Variants in AKAP10 observed in about 807,000 individuals in gnomAD.
AKAP10 encodes the protein A-kinase anchor protein 10, mitochondrial.
A neutral mutation model predicts 80.8 loss-of-function variants in AKAP10; 24 were observed. The observed-to-expected ratio is 0.30, with a 90% confidence interval of 0.22 to 0.42. The LOEUF (loss-of-function observed/expected upper bound fraction) is 0.42. AKAP10 is among the 10% of genes least tolerant of loss of function. The pLI, the probability that AKAP10 is intolerant of heterozygous loss-of-function variation, is 1.00. For synonymous variants in AKAP10, 291 were observed against 277.7 expected, an observed-to-expected ratio of 1.05 and a Z score of -0.48; for missense variants, 661 against 794.9, an observed-to-expected ratio of 0.83 and a Z score of 2.03.
intron 9 of AKAP10, 109 bp from the exon 10 acceptor site, chr17:19,932,087 C>G: frequency 1.0e-6 from 1 of 1,001,106 alleles, no homozygotes; most frequent in African/African-American, 1.6e-5. Context: ...TGTTAACTAC[C>G]TATAACAAAT....
chr17:19,932,792 TTG>T (rs969278705), intron 9 of AKAP10, among the ~76,000 whole-genome samples: 21 of 152,006 alleles, frequency 1.4e-4, no homozygotes, highest in African/African-American at 5.1e-4. Flanking sequence ...TGTTTCCACA[TTG>T]TTTTTTTTTC....
chr17:19,968,882 A>C (rs1052107681), intron 1 of AKAP10, among the ~76,000 whole-genome samples: 1 of 152,262 alleles, frequency 6.6e-6, no homozygotes, highest in Non-Finnish European at 1.5e-5. Context: ...TAACTAGCAC[A>C]GTAAATTGAG....
intron 1 of AKAP10, among the ~76,000 whole-genome samples, chr17:19,969,637 G>C (rs1282889870): frequency 1.3e-5 from 2 of 151,614 alleles, no homozygotes; most frequent in Admixed American, 6.6e-5. Flanking sequence ...CTTAAACATT[G>C]AAAGGTGAAA....
At chr17:19,973,409 T>G in intron 1 of AKAP10, among the ~76,000 whole-genome samples, 1 of 152,222 alleles carries the variant, frequency 6.6e-6, no homozygotes, top group Non-Finnish European at 1.5e-5. Context: ...GATTTGGCCC[T>G]TAACAGAAAA....
rs548208845 is a variant in AKAP10 at position 19,958,478 on chromosome 17, T to C, written c.413A>G (p.Tyr138Cys). The change falls in exon 4 of 15, where the codon TAC becomes TGC. Residue 138 changes from tyrosine (Y) to cysteine (C), a missense_variant. Physicochemically the swap from Tyr to Cys is radical, Grantham distance 194 (BLOSUM62 -2). Coordinates refer to ENST00000225737, the MANE Select transcript of AKAP10 (RefSeq NM_007202.4). The stretch of plus-strand genomic sequence containing the variant: ...CCGAAGTTCCATGAATTGAATGAAG[T>C]AAGGGAGGACAATAGTGTCGTGCAA... ...QVLHDTIVLP[Y>C]FIQFMELRRM... 1 of 1,613,946 alleles carries C rather than the reference T, an allele frequency of 6.2e-7. No homozygotes were observed. Among genetic ancestry groups the C allele is most frequent in the African/African-American group, 1.3e-5 (1 of 75,032 alleles).
intron 14 of AKAP10, among the ~76,000 whole-genome samples, chr17:19,906,903 G>A (rs369231958): frequency 1.3e-5 from 2 of 152,088 alleles, no homozygotes; most frequent in Non-Finnish European, 2.9e-5. Context: ...TTTTGGTGTC[G>A]AATTTCTCTG....
At chr17:19,944,576 A>G (rs1002747737) in intron 5 of AKAP10, among the ~76,000 whole-genome samples, 1 of 152,028 alleles carries the variant, frequency 6.6e-6, no homozygotes, top group Non-Finnish European at 1.5e-5. Context: ...AATCGCTTGA[A>G]CCCAGGAGGC....
chr17:19,923,504 T>G (rs762122097), intron 11 of AKAP10, among the ~76,000 whole-genome samples: 1 of 152,090 alleles, frequency 6.6e-6, no homozygotes, highest in Admixed American at 6.6e-5. Flanking sequence ...CTTTCTAGGC[T>G]CCTCAGTCTC....
At chr17:19,945,903 T>C (rs1387696600) in intron 5 of AKAP10, among the ~76,000 whole-genome samples, 1 of 151,914 alleles carries the variant, frequency 6.6e-6, no homozygotes. Context: ...AATGAATAAA[T>C]AACCTCTTTT....
At chr17:19,941,400 A>G (rs537863912) in intron 6 of AKAP10, among the ~76,000 whole-genome samples, 2 of 152,200 alleles carry the variant, frequency 1.3e-5, no homozygotes, top group Non-Finnish European at 2.9e-5. Flanking sequence ...TAAATCTAAA[A>G]AACCTCTGGA....
chr17:19,946,251 ATAT>A (rs2043118354), intron 5 of AKAP10, among the ~76,000 whole-genome samples: 1 of 19,388 alleles, frequency 5.2e-5, no homozygotes, highest in African/African-American at 2.2e-4. Context: ...ATATATATAT[ATAT>A]ATATATATAT....
At chr17:19,971,508 CAAA>C (rs201771634) in intron 1 of AKAP10, among the ~76,000 whole-genome samples, 2 of 102,608 alleles carry the variant, frequency 1.9e-5, no homozygotes, top group Non-Finnish European at 4.1e-5. Context: ...GACTCCATCT[CAAA>C]AAAAAAAAAA....
At position 19,968,326 on chromosome 17, in the gene AKAP10, A is replaced by G; in HGVS notation, c.136+88T>C. 3 of 1,032,154 alleles carry G rather than the reference A, an allele frequency of 2.9e-6. No individual in the cohort carries two copies. The East Asian group carries it at 7.3e-5, about 25-fold the overall frequency. 63.9% of individuals were successfully genotyped at this position (1,032,154 alleles called of 1,614,324 possible). A position where few individuals can be genotyped will look rare whatever the true frequency, so the allele number is the denominator to read the frequency against. On this transcript the variant is annotated intron_variant, in intron 2 of 14. Coordinates refer to ENST00000225737, the MANE Select transcript of AKAP10 (RefSeq NM_007202.4). ...AAATAAGGCAGAAATGATTAATGCC[A>G]AAAGAGAGAGTATAACAGGATTAAA...
intron 3 of AKAP10, among the ~76,000 whole-genome samples, chr17:19,959,002 G>A (rs190825071): frequency 6.6e-5 from 10 of 151,668 alleles, no homozygotes; most frequent in Admixed American, 1.3e-4. Context: ...ACAGGCACCC[G>A]CCACCACGCT....
intron 10 of AKAP10, among the ~76,000 whole-genome samples, chr17:19,929,897 A>C (rs776252331): frequency 2.1e-4 from 32 of 151,948 alleles, no homozygotes; most frequent in Non-Finnish European, 3.4e-4. Context: ...GAATTGCTTG[A>C]ACCCGGGAGG....
In AKAP10 at chr17:19,953,033, A is replaced by ATTATTC. The variant is rs1156932880; in HGVS notation, c.877+4980_877+4981insGAATAA. ...AAAATTTTTTAATGTTATTTTTAAA[A>ATTATTC]ATTAATAAATGAAATCATTCAAAAT... On this transcript the variant is annotated intron_variant, in intron 4 of 14. Coordinates refer to ENST00000225737, the MANE Select transcript of AKAP10 (RefSeq NM_007202.4). Among the ~76,000 whole-genome samples the ATTATTC allele has an allele frequency of 2.6e-4, 40 of 152,280 alleles. 1 individual carries two copies. In the Middle Eastern group the frequency reaches 0.014, roughly 52 times the overall value.
chr17:19,938,480 G>T (rs1417662079), intron 8 of AKAP10, among the ~76,000 whole-genome samples: 1 of 151,258 alleles, frequency 6.6e-6, no homozygotes, highest in Admixed American at 6.6e-5. Context: ...CAAGTAATCC[G>T]CCTGCCTCAG....
chr17:19,970,737 C>T (rs761139884), intron 1 of AKAP10, among the ~76,000 whole-genome samples: 7 of 151,940 alleles, frequency 4.6e-5, no homozygotes, highest in Non-Finnish European at 7.4e-5. Flanking sequence ...GCAGAAGAAT[C>T]GCTTGAACCC....
chr17:19,951,762 G>A (rs1003216762), intron 4 of AKAP10, among the ~76,000 whole-genome samples: 1 of 152,008 alleles, frequency 6.6e-6, no homozygotes, highest in Non-Finnish European at 1.5e-5. Context: ...CACTGCAGAA[G>A]GCCGCAGGGT....
Sources: gnomAD v4.1 joint callset for allele counts (sites outside exome capture counted in the v4.1 genomes callset) on GRCh38, gnomAD v4.1.1 for gene constraint, MANE v1.5 for transcripts, NCBI Gene and HGNC (gene_info 2026-07-23, HGNC 2026-07-21) for gene names.